The following EML4 variants were observed in gnomAD, a reference collection of about 807,000 sequenced individuals.
EML4 encodes the protein echinoderm microtubule-associated protein-like 4.
Under a neutral mutation model 129.0 loss-of-function variants are expected in EML4, and 72 were observed. The observed-to-expected ratio is 0.56, with a 90% confidence interval of 0.46 to 0.68. EML4 has a LOEUF of 0.68. EML4 is among the 30% of genes least tolerant of loss of function. The probability of loss-of-function intolerance (pLI) is 0.00; values close to 1 mark genes in which losing one functional copy is unlikely to be tolerated. For synonymous variants in EML4, 532 were observed against 405.0 expected (o/e 1.31, Z -3.77); for missense variants, 1,363 against 1,190.6 (o/e 1.14, Z -2.13).
At chr2:42,308,525 A>G (rs1396637095) in intron 17 of EML4, among the ~76,000 whole-genome samples, 1 of 152,222 alleles carries the variant, frequency 6.6e-6, no homozygotes, top group African/African-American at 2.4e-5. Context: ...TAATGCTCAC[A>G]TAGAAAGGAT....
chr2:42,306,449 C>G (rs898874784), intron 17 of EML4, among the ~76,000 whole-genome samples: 3 of 140,276 alleles, frequency 2.1e-5, no homozygotes, highest in Non-Finnish European at 4.6e-5. Flanking sequence ...TAAGAGATAT[C>G]ATTTATTCAG....
intron 1 of EML4, among the ~76,000 whole-genome samples, chr2:42,177,183 C>T (rs1054953750): frequency 6.6e-6 from 1 of 151,868 alleles, no homozygotes; most frequent in Non-Finnish European, 1.5e-5. Context: ...TTTCATGATC[C>T]AGTAAAATGT....
chr2:42,275,537 G>T (rs916219306), intron 6 of EML4, among the ~76,000 whole-genome samples: 1 of 152,230 alleles, frequency 6.6e-6, no homozygotes, highest in Non-Finnish European at 1.5e-5. Context: ...AACATTATAT[G>T]TGTCTGGGGA....
chr2:42,325,463 C>T lies in EML4; in HGVS notation c.2155-4C>T, dbSNP rs186464897. On this transcript the variant is annotated splice_polypyrimidine_tract_variant and splice_region_variant and intron_variant, in intron 19 of 22. Coordinates refer to ENST00000318522, the MANE Select transcript of EML4 (RefSeq NM_019063.5). ...TTTCTAACAATTTATCTGTTATTTT[C>T]TAGGGACATTCCAGCTACATCACAC... is the stretch of plus-strand genomic sequence containing the variant. 6.8e-7 allele frequency: 1 copy of T among 1,478,636 alleles called. No individual in the cohort carries two copies. The highest frequency in any genetic ancestry group is 9.4e-7 in the Non-Finnish European group (1 of 1,063,406). 91.6% of individuals were successfully genotyped at this position (1,478,636 alleles called of 1,614,324 possible). A position where few individuals can be genotyped will look rare whatever the true frequency, so the allele number is the denominator to read the frequency against.
At chr2:42,261,889 A>C (rs1665762057) in intron 4 of EML4, among the ~76,000 whole-genome samples, 1 of 152,182 alleles carries the variant, frequency 6.6e-6, no homozygotes, top group African/African-American at 2.4e-5. Flanking sequence ...AGTTATGAGA[A>C]GGGGAAAAGG....
intron 17 of EML4, among the ~76,000 whole-genome samples, chr2:42,307,604 C>T (rs912775780): frequency 6.6e-6 from 1 of 151,994 alleles, no homozygotes; most frequent in Non-Finnish European, 1.5e-5. Flanking sequence ...TATCACTGAC[C>T]CTAGGCCTGA....
intron 17 of EML4, among the ~76,000 whole-genome samples, chr2:42,308,078 C>G (rs1259439916): frequency 1.3e-5 from 2 of 152,154 alleles, no homozygotes; most frequent in Non-Finnish European, 2.9e-5. Flanking sequence ...CTTCATGTAA[C>G]TAAAGAGTAA....
rs141506259 is a variant in EML4 at position 42,247,663 on chromosome 2, A to C, written c.208+1976A>C. On this transcript the variant is annotated intron_variant, in intron 2 of 22. Coordinates refer to ENST00000318522, the MANE Select transcript of EML4 (RefSeq NM_019063.5). Reference sequence around the variant, plus strand: ...GTGTTATATTATGCTTGCTTGCTTGATTTATTTATTTATTTATTTATTTAT... The same window carrying C: ...GTGTTATATTATGCTTGCTTGCTTGCTTTATTTATTTATTTATTTATTTAT... 8.0e-3 allele frequency among the ~76,000 whole-genome samples: 1,159 copies of C among 144,072 alleles called. 12 individuals carry two copies. The highest frequency in any genetic ancestry group is 0.03 in the African/African-American group (1,086 of 36,748). The allele number at this position is 144,072 out of a possible 152,430, so 94.5% of individuals were successfully genotyped here.
At chr2:42,269,273 C>T (rs538776154) in intron 6 of EML4, among the ~76,000 whole-genome samples, 65 of 152,104 alleles carry the variant, frequency 4.3e-4, no homozygotes, top group Non-Finnish European at 8.5e-4. Flanking sequence ...ATAAATAAAA[C>T]GAACTCATTT....
Position 42,330,047 on chromosome 2 carries a change from A to C in EML4, c.2786A>C (p.Gln929Pro), listed in dbSNP as rs1415286062. 2 of 1,613,468 alleles carry C rather than the reference A, an allele frequency of 1.2e-6. No individual in the cohort carries two copies. Among genetic ancestry groups the C allele is most frequent in the East Asian group, 2.2e-5 (1 of 44,882 alleles). Residue 929 changes from glutamine to proline, a missense_variant, in exon 23 of 23, where the codon CAA (glutamine) becomes CCA (proline). Transcript: ENST00000318522. ...SPTLLENSLE[Q>P]TVEPSEDHSE... ...ACACTTCTGGAGAACAGCCTGGAAC[A>C]AACTGTGGAGCCAAGTGAAGACCAC...
chr2:42,203,867 T>C (rs1483903572), intron 1 of EML4, among the ~76,000 whole-genome samples: 1 of 152,182 alleles, frequency 6.6e-6, no homozygotes, highest in East Asian at 1.9e-4. Flanking sequence ...TAGTGCTTAC[T>C]ATAAGGTATA....
chr2:42,173,122 T>C (rs1184423432), intron 1 of EML4, among the ~76,000 whole-genome samples: 1 of 152,218 alleles, frequency 6.6e-6, no homozygotes, highest in Non-Finnish European at 1.5e-5. Flanking sequence ...AGCAGTATGC[T>C]TCAACTTATG....
chr2:42,184,344 A>T (rs923416647), intron 1 of EML4, among the ~76,000 whole-genome samples: 3 of 150,856 alleles, frequency 2.0e-5, no homozygotes, highest in Non-Finnish European at 4.4e-5. Flanking sequence ...TTAGCTCGTC[A>T]TTTAACATTA....
At chr2:42,234,973 G>C (rs186204909) in intron 1 of EML4, among the ~76,000 whole-genome samples, 3 of 151,920 alleles carry the variant, frequency 2.0e-5, no homozygotes, top group Non-Finnish European at 4.4e-5. Context: ...CCTGGCCAAC[G>C]TGGCGAAACC....
chr2:42,269,910 T>C (rs1445231258), intron 6 of EML4, among the ~76,000 whole-genome samples: 1 of 152,062 alleles, frequency 6.6e-6, no homozygotes, highest in Admixed American at 6.5e-5. Context: ...AAAGGGCAAA[T>C]GAGTAGTAAA....
intron 1 of EML4, among the ~76,000 whole-genome samples, chr2:42,224,526 T>A (rs1432114670): frequency 6.6e-6 from 1 of 152,144 alleles, no homozygotes; most frequent in East Asian, 1.9e-4. Flanking sequence ...TGGGCAAGTT[T>A]TTATGTGGTC....
At chr2:42,196,241 T>A (rs1457591155) in intron 1 of EML4, among the ~76,000 whole-genome samples, 2 of 152,186 alleles carry the variant, frequency 1.3e-5, no homozygotes, top group Non-Finnish European at 2.9e-5. Flanking sequence ...TATTAATGAA[T>A]TTGGATAAAA....
chr2:42,302,982 A>G (rs537595646), intron 14 of EML4, 122 bp from the exon 15 acceptor site: 16 of 802,622 alleles, frequency 2.0e-5, no homozygotes, highest in African/African-American at 1.0e-4. Context: ...TGAGATTACC[A>G]TATCCAAATT....
chr2:42,266,361 T>C (rs1666065459), intron 6 of EML4, among the ~76,000 whole-genome samples: 1 of 152,194 alleles, frequency 6.6e-6, no homozygotes, highest in Admixed American at 6.5e-5. Context: ...ATCAAAACTT[T>C]TAAGAGAGAG....
Sources: gnomAD v4.1 joint callset for allele counts (sites outside exome capture counted in the v4.1 genomes callset) on GRCh38, gnomAD v4.1.1 for gene constraint, MANE v1.5 for transcripts, NCBI Gene and HGNC (gene_info 2026-07-23, HGNC 2026-07-21) for gene names.